Variants in ZNF804A observed in about 807,000 individuals in gnomAD.
ZNF804A encodes zinc finger protein 804A.
ZNF804A carries 2 observed loss-of-function variants against 16.5 expected under a neutral mutation model. The ratio of observed to expected loss-of-function variants is 0.12; its 90% CI spans 0.05 to 0.38. The LOEUF (loss-of-function observed/expected upper bound fraction) is 0.38. ZNF804A is among the 10% of genes least tolerant of loss of function. The probability of loss-of-function intolerance (pLI) is 0.99; values close to 1 mark genes in which losing one functional copy is unlikely to be tolerated. For synonymous variants in ZNF804A, 534 were observed against 489.6 expected, an observed-to-expected ratio of 1.09 and a Z score of -1.20; for missense variants, 1,473 against 1,390.7, an observed-to-expected ratio of 1.06 and a Z score of -0.94.
intron 2 of ZNF804A, among the ~76,000 whole-genome samples, chr2:184,890,826 G>A (rs1476381266): frequency 6.7e-6 from 1 of 149,980 alleles, no homozygotes; most frequent in East Asian, 1.9e-4. Flanking sequence ...TTCTATATCT[G>A]GTTCATTATA....
intron 1 of ZNF804A, among the ~76,000 whole-genome samples, chr2:184,611,876 G>A (rs1292744615): frequency 6.6e-6 from 1 of 152,012 alleles, no homozygotes; most frequent in Non-Finnish European, 1.5e-5. Flanking sequence ...ATTATTTTTG[G>A]CCATTATCTA....
chr2:184,880,010 G>A (rs1343230428), intron 2 of ZNF804A, among the ~76,000 whole-genome samples: 2 of 151,940 alleles, frequency 1.3e-5, no homozygotes, highest in African/African-American at 4.8e-5. Flanking sequence ...GCAATTACAT[G>A]TTACTGAGGG....
At position 184,748,660 on chromosome 2, in the gene ZNF804A, G is replaced by C. The variant is rs1364150589; in HGVS notation, c.112-117709G>C. On this transcript the variant is annotated intron_variant, in intron 1 of 3. Coordinates refer to ENST00000302277, the MANE Select transcript of ZNF804A (RefSeq NM_194250.2). ...GCCCTATTTGTCAATTTCTGTTTTTGTTGCAATAGCTTCTGAAGGTTATTT... is the reference window on the plus strand; with the variant it reads ...GCCCTATTTGTCAATTTCTGTTTTTCTTGCAATAGCTTCTGAAGGTTATTT... Among the ~76,000 whole-genome samples the C allele has an allele frequency of 2.0e-5, 3 of 150,666 alleles. No homozygotes were observed. The Admixed American group carries it at 2.0e-4, about 10-fold the overall frequency.
intron 1 of ZNF804A, among the ~76,000 whole-genome samples, chr2:184,771,289 G>A (rs1287554921): frequency 6.6e-6 from 1 of 151,962 alleles, no homozygotes; most frequent in African/African-American, 2.4e-5. Flanking sequence ...TATCAGCAAT[G>A]TATAGCTGCA....
At chr2:184,616,270 G>A (rs1691317524) in intron 1 of ZNF804A, among the ~76,000 whole-genome samples, 1 of 152,054 alleles carries the variant, frequency 6.6e-6, no homozygotes. Context: ...TGTAACCTGA[G>A]TCAGTTATTT....
intron 1 of ZNF804A, among the ~76,000 whole-genome samples, chr2:184,797,392 C>G (rs1694650065): frequency 6.6e-6 from 1 of 151,986 alleles, no homozygotes; most frequent in African/African-American, 2.4e-5. Flanking sequence ...TCCTCTTTGT[C>G]TCTTTTAACC....
At chr2:184,924,108 C>T (rs923096835) in intron 2 of ZNF804A, among the ~76,000 whole-genome samples, 2 of 151,382 alleles carry the variant, frequency 1.3e-5, no homozygotes, top group Admixed American at 1.3e-4. Context: ...TGGAAGTATT[C>T]CCTTCTTATT....
chr2:184,871,415 CA>C (rs71407821), intron 2 of ZNF804A, among the ~76,000 whole-genome samples: 1,203 of 105,698 alleles, frequency 0.011, 14 homozygotes, highest in African/African-American at 0.032. Context: ...ATTACTCCAG[CA>C]AAAAAAAAAA....
intron 2 of ZNF804A, among the ~76,000 whole-genome samples, chr2:184,927,467 GGT>G (rs992104931): frequency 3.3e-5 from 5 of 152,166 alleles, no homozygotes; most frequent in Middle Eastern, 3.4e-3. Context: ...CACAGCATTG[GGT>G]CTTACCCAAA....
intron 1 of ZNF804A, among the ~76,000 whole-genome samples, chr2:184,779,571 C>T (rs1574208548): frequency 1.3e-5 from 2 of 151,554 alleles, no homozygotes; most frequent in East Asian, 3.9e-4. Flanking sequence ...GAGATGGGCC[C>T]AATGTAATCA....
At chr2:184,793,690 C>G (rs1342506900) in intron 1 of ZNF804A, among the ~76,000 whole-genome samples, 1 of 152,046 alleles carries the variant, frequency 6.6e-6, no homozygotes, top group Admixed American at 6.6e-5. Context: ...ATACACTACA[C>G]CCAATTTGTA....
chr2:184,868,190 C>T (rs1346823093), intron 2 of ZNF804A, among the ~76,000 whole-genome samples: 1 of 152,026 alleles, frequency 6.6e-6, no homozygotes, highest in Non-Finnish European at 1.5e-5. Context: ...TCAAAATACT[C>T]ATAAACTCTG....
intron 1 of ZNF804A, among the ~76,000 whole-genome samples, chr2:184,764,984 T>G (rs892052194): frequency 3.8e-4 from 58 of 152,216 alleles, no homozygotes; most frequent in African/African-American, 1.4e-3. Context: ...TTAAAAAAAC[T>G]ATTTCCTTGC....
At chr2:184,750,892 G>A (rs1218984154) in intron 1 of ZNF804A, among the ~76,000 whole-genome samples, 1 of 151,222 alleles carries the variant, frequency 6.6e-6, no homozygotes, top group Non-Finnish European at 1.5e-5. Flanking sequence ...CTATGAGTTT[G>A]ACTACCTTAG....
At chr2:184,893,722 T>C (rs946770889) in intron 2 of ZNF804A, among the ~76,000 whole-genome samples, 2 of 152,162 alleles carry the variant, frequency 1.3e-5, no homozygotes, top group Non-Finnish European at 2.9e-5. Flanking sequence ...TTGTTGATCA[T>C]ATATTGTATG....
At chr2:184,673,437 C>T (rs916777243) in intron 1 of ZNF804A, among the ~76,000 whole-genome samples, 1 of 152,128 alleles carries the variant, frequency 6.6e-6, no homozygotes, top group African/African-American at 2.4e-5. Context: ...GCCAAGAAAG[C>T]TTTGCTGAAA....
intron 1 of ZNF804A, among the ~76,000 whole-genome samples, chr2:184,714,935 A>T (rs756014631): frequency 2.6e-5 from 4 of 152,188 alleles, no homozygotes; most frequent in Non-Finnish European, 5.9e-5. Context: ...TACCTTCTTC[A>T]TACTCAGAAG....
At chr2:184,734,008 T>G (rs1693567733) in intron 1 of ZNF804A, among the ~76,000 whole-genome samples, 1 of 152,116 alleles carries the variant, frequency 6.6e-6, no homozygotes, top group Non-Finnish European at 1.5e-5. Context: ...TTTTAGCTGG[T>G]TTTTTAGTAA....
chr2:184,706,994 T>C (rs1049066787), intron 1 of ZNF804A, among the ~76,000 whole-genome samples: 5 of 152,188 alleles, frequency 3.3e-5, no homozygotes, highest in Admixed American at 2.0e-4. Flanking sequence ...GTGCCACATT[T>C]TTATGTGAAA....
Sources: allele counts gnomAD v4.1 joint callset (sites outside exome capture counted in the v4.1 genomes callset), GRCh38; gene constraint gnomAD v4.1.1; transcripts MANE v1.5; gene names NCBI Gene and HGNC (gene_info 2026-07-23, HGNC 2026-07-21).